EIF4A3: variants seen among roughly 807,000 people sequenced by gnomAD.
EIF4A3 encodes the protein eukaryotic translation initiation factor 4A3.
EIF4A3 carries 1 observed loss-of-function variant against 55.6 expected under a neutral mutation model. The ratio of observed to expected loss-of-function variants is 0.02; its 90% confidence interval spans 0.01 to 0.09. EIF4A3 has a LOEUF of 0.09. EIF4A3 is among the 10% of genes least tolerant of loss of function. The pLI is 1.00. For synonymous variants in EIF4A3, 194 were observed against 196.3 expected (o/e 0.99, Z 0.10); for missense variants, 221 against 540.7 (o/e 0.41, Z 5.86).
At chr17:80,137,323 A>G in intron 9 of EIF4A3, 63 bp downstream of exon 9, 1 of 1,442,796 alleles carries the variant, frequency 6.9e-7, no homozygotes, top group East Asian at 2.3e-5. Context: ...GGCGGTACAT[A>G]TGAAGTGCTT....
At chr17:80,146,397 G>GA (rs1474412681) in intron 1 of EIF4A3, among the ~76,000 whole-genome samples, 6 of 152,268 alleles carry the variant, frequency 3.9e-5, no homozygotes, top group Admixed American at 2.6e-4. Context: ...TGGGCAACCT[G>GA]ACAGTATGCT....
rs751807674 is a variant in EIF4A3 at position 80,138,170 on chromosome 17, G to A, written c.839C>T (p.Ala280Val). 2 of 1,614,062 alleles carry A rather than the reference G, an allele frequency of 1.2e-6. No homozygotes were observed. Among genetic ancestry groups the A allele is most frequent in the South Asian group, 2.2e-5 (2 of 91,076 alleles). ...DLYDTLTITQ[A>V]VIFCNTKRKV... ...TCTTTTGGTGTTGCAGAAGATGACC[G>A]CCTGAGTGATGGTCAGTGTGTCGTA... Residue 280 changes from alanine to valine, a missense_variant, in exon 8 of 12, where the codon GCG (alanine) becomes GTG (valine). This residue lies in a region of EIF4A3 where 93 missense variants were observed against 278.5 expected (regional missense o/e 0.33). Coordinates refer to ENST00000649764, the MANE Select transcript of EIF4A3 (RefSeq NM_014740.4).
intron 2 of EIF4A3, among the ~76,000 whole-genome samples, chr17:80,142,830 G>A (rs2143998234): frequency 6.6e-6 from 1 of 152,292 alleles, no homozygotes; most frequent in East Asian, 1.9e-4. Context: ...CAGATTGCCA[G>A]GAGTTTGAGA....
rs2039553357 is a variant in EIF4A3 at position 80,134,422 on chromosome 17, ATC to A, written c.*1066_*1067del. On this transcript the variant is annotated 3_prime_UTR_variant, in exon 12 of 12. Transcript: ENST00000649764. ...AATTTAAATATTTAAACAGATAATT[ATC>A]TGTTTTAGTTTGTCAACATTGTGGT... is the stretch of plus-strand genomic sequence containing the variant. Among the ~76,000 whole-genome samples the A allele has an allele frequency of 6.6e-6, 1 of 152,208 alleles. No homozygotes were observed. Among genetic ancestry groups the A allele is most frequent in the South Asian group, 2.1e-4 (1 of 4,828 alleles).
chr17:80,142,623 C>A (rs762987963), intron 2 of EIF4A3, among the ~76,000 whole-genome samples: 1 of 152,158 alleles, frequency 6.6e-6, no homozygotes, highest in Non-Finnish European at 1.5e-5. Context: ...CACATTCTGG[C>A]AGTCCCAGCT....
intron 2 of EIF4A3, among the ~76,000 whole-genome samples, chr17:80,142,902 G>A (rs1443696646): frequency 6.6e-6 from 1 of 152,140 alleles, no homozygotes; most frequent in African/African-American, 2.4e-5. Flanking sequence ...AATTGGGCAT[G>A]GTGATGTGTG....
intron 9 of EIF4A3, 102 bp from the exon 10 acceptor site, chr17:80,136,437 A>G (rs1330442913): frequency 8.1e-6 from 7 of 867,318 alleles, no homozygotes; most frequent in Admixed American, 2.5e-5. Context: ...CTGCAGGTCC[A>G]AAATATACGA....
At chr17:80,146,023 C>A (rs952328474) in intron 1 of EIF4A3, among the ~76,000 whole-genome samples, 1 of 152,112 alleles carries the variant, frequency 6.6e-6, no homozygotes, top group Non-Finnish European at 1.5e-5. Context: ...TAAATGTGAT[C>A]GTGTCACATA....
chr17:80,135,864 C>T, intron 11 of EIF4A3, 140 bp downstream of exon 11: 2 of 1,201,936 alleles, frequency 1.7e-6, no homozygotes, highest in Non-Finnish European at 2.3e-6. Flanking sequence ...CACTGCACTC[C>T]AGCCTGGGTG....
intron 6 of EIF4A3, 145 bp from the exon 7 acceptor site, chr17:80,139,307 C>A: frequency 9.2e-7 from 1 of 1,081,630 alleles, no homozygotes; most frequent in Non-Finnish European, 1.3e-6. Flanking sequence ...CAGCACCAGG[C>A]CACATCCACG....
At chr17:80,138,308 A>G in intron 7 of EIF4A3, 28 bp from the exon 8 acceptor site, 1 of 1,611,820 alleles carries the variant, frequency 6.2e-7, no homozygotes. Context: ...ATCCTGTTAC[A>G]TACTCATCCT....
intron 7 of EIF4A3, chr17:80,138,516 GA>G (rs1157002569): frequency 2.1e-6 from 1 of 481,348 alleles, no homozygotes; most frequent in Non-Finnish European, 3.6e-6. Context: ...GATTCTAAAC[GA>G]AACACTGATA....
chr17:80,134,967 C>T lies in EIF4A3; in HGVS notation c.*523G>A, dbSNP rs951239140. The stretch of plus-strand genomic sequence containing the variant: ...GAGATCGAGACCATCTTGGCTAACA[C>T]GGTGAAACCCCGTCTCTACTGAAAA... On this transcript the variant is annotated 3_prime_UTR_variant, in exon 12 of 12. Transcript: ENST00000649764. Among the ~76,000 whole-genome samples the T allele has an allele frequency of 3.3e-5, 5 of 152,010 alleles. No individual in the cohort carries two copies. The highest frequency in any genetic ancestry group is 3.4e-3 in the Middle Eastern group (1 of 292).
chr17:80,141,931 C>CAA lies in EIF4A3; in HGVS notation c.243-84_243-83insTT, dbSNP rs576098712. On this transcript the variant is annotated intron_variant, in intron 2 of 11. Transcript: ENST00000649764. ...CACTCCAAGGCCTGGGCTCCAGAGGCACTTAGGTACCTTCTTCCAGCAAGC... is the reference window on the plus strand; with the variant it reads ...CACTCCAAGGCCTGGGCTCCAGAGGCAAACTTAGGTACCTTCTTCCAGCAAGC... 89 of 1,106,520 alleles carry CAA rather than the reference C, an allele frequency of 8.0e-5. No homozygotes were observed. The African/African-American group carries it at 1.3e-3, about 17-fold the overall frequency. The allele number at this position is 1,106,520 out of a possible 1,614,324, so 68.5% of individuals were successfully genotyped here.
intron 5 of EIF4A3, 28 bp from the exon 6 acceptor site, chr17:80,139,778 C>G (rs780545070): frequency 1.3e-6 from 2 of 1,598,696 alleles, no homozygotes; most frequent in Admixed American, 3.4e-5. Context: ...GAAATACTTA[C>G]GACAAATCAC....
intron 5 of EIF4A3, 35 bp downstream of exon 5, chr17:80,139,973 C>T (rs368326488): frequency 4.4e-6 from 7 of 1,600,914 alleles, no homozygotes; most frequent in Middle Eastern, 1.7e-4. Context: ...ACAAATACTA[C>T]CGGCAGCACC....
chr17:80,138,683 G>A (rs539488825), intron 7 of EIF4A3: 48 of 337,830 alleles, frequency 1.4e-4, no homozygotes, highest in Non-Finnish European at 2.5e-4. Context: ...TGCAGCCTCA[G>A]CCTCCTGACC....
rs147122155 is a variant in EIF4A3, at chr17:80,145,515, G to A, written c.170-1271C>T. Among the ~76,000 whole-genome samples, 1,288 of 152,306 alleles carry A rather than the reference G, an allele frequency of 8.5e-3. 9 individuals are homozygous for A. The highest frequency in any genetic ancestry group is 0.031 in the Middle Eastern group (9 of 294). ...AGAAGTGGAAGTTGCAATAAGCTGA[G>A]ATCATGCCACTACACTCCAGCCTTG... On this transcript the variant is annotated intron_variant, in intron 1 of 11. Transcript: ENST00000649764.
At chr17:80,140,313 C>CTTT (rs34707524) in intron 4 of EIF4A3, 173 bp from the exon 5 acceptor site, 48 of 419,696 alleles carry the variant, frequency 1.1e-4, no homozygotes, top group Non-Finnish European at 1.4e-4. Context: ...GTTAATTTTG[C>CTTT]TTTTTTTTTT....
Sources: allele counts gnomAD v4.1 joint callset (sites outside exome capture counted in the v4.1 genomes callset), GRCh38; gene constraint gnomAD v4.1.1; regional missense constraint gnomAD v4.1.1; transcripts MANE v1.5; gene names NCBI Gene and HGNC (gene_info 2026-07-23, HGNC 2026-07-21).